Variants in IL1RAPL1 observed in about 807,000 individuals in gnomAD.
The protein encoded by IL1RAPL1 is interleukin 1 receptor accessory protein like 1, also known as interleukin-1 receptor accessory protein-like 1.
A neutral mutation model predicts 48.4 loss-of-function variants in IL1RAPL1; 3 were observed. The observed-to-expected ratio is 0.06, with a 90% confidence interval of 0.03 to 0.16. The LOEUF (loss-of-function observed/expected upper bound fraction) is 0.16. Ranked by LOEUF, IL1RAPL1 falls within the 10% of genes least tolerant of loss-of-function variation. The pLI, the probability that IL1RAPL1 is intolerant of heterozygous loss-of-function variation, is 1.00. For synonymous variants in IL1RAPL1, 185 were observed against 187.7 expected, an observed-to-expected ratio of 0.99 and a Z score of 0.12; for missense variants, 349 against 530.6, an observed-to-expected ratio of 0.66 and a Z score of 3.36.
At chrX:29,006,647 A>ATATGTGTGTGTGTGTG (rs1274128284) in intron 2 of IL1RAPL1, among the ~76,000 whole-genome samples, 1 of 76,935 alleles carries the variant, frequency 1.3e-5, no homozygotes, top group African/African-American at 4.9e-5. Context: ...GTTTATATAT[A>ATATGTGTGTGTGTGTG]TGTGTGTGTG....
chrX:29,189,076 G>C (rs1930306952), intron 2 of IL1RAPL1, among the ~76,000 whole-genome samples: 1 of 112,288 alleles, frequency 8.9e-6, no homozygotes, highest in Admixed American at 9.4e-5. Context: ...AATTGGTATA[G>C]TTTAGATAGT....
chrX:28,875,940 C>A (rs1922361074), intron 2 of IL1RAPL1, among the ~76,000 whole-genome samples: 2 of 111,261 alleles, frequency 1.8e-5, no homozygotes, highest in South Asian at 7.6e-4. Context: ...TATTTATTCC[C>A]TTAAGAACTG....
At chrX:29,079,832 G>A (rs1406353219) in intron 2 of IL1RAPL1, among the ~76,000 whole-genome samples, 1 of 111,430 alleles carries the variant, frequency 9.0e-6, no homozygotes, top group Non-Finnish European at 1.9e-5. Flanking sequence ...GAGTCCATTG[G>A]ATTTGAAAAT....
In IL1RAPL1 at chrX:29,109,706, T is replaced by C. The variant is rs1419745425; in HGVS notation, c.83-173232T>C. On this transcript the variant is annotated intron_variant, in intron 2 of 10. Transcript: ENST00000378993. ...GTACTCGGATTGATTTATTTTCAAATTTTCAAAAGAATATCTAAGTTCAAT... is the reference window on the plus strand; with the variant it reads ...GTACTCGGATTGATTTATTTTCAAACTTTCAAAAGAATATCTAAGTTCAAT... Among the ~76,000 whole-genome samples the C allele has an allele frequency of 3.6e-5, 4 of 111,240 alleles. No individual in the cohort carries two copies. In the East Asian group the frequency reaches 8.5e-4, roughly 24 times the overall value.
chrX:29,378,802 C>A (rs927920872), intron 3 of IL1RAPL1, among the ~76,000 whole-genome samples: 5 of 112,150 alleles, frequency 4.5e-5, no homozygotes, highest in African/African-American at 1.3e-4. Flanking sequence ...ACCTCCTCAC[C>A]AGGCCTGCTC....
chrX:29,131,395 G>C (rs929570222), intron 2 of IL1RAPL1, among the ~76,000 whole-genome samples: 3 of 109,677 alleles, frequency 2.7e-5, no homozygotes, highest in African/African-American at 3.3e-5. Context: ...CTTAACTTAG[G>C]GTACTTCATC....
intron 6 of IL1RAPL1, among the ~76,000 whole-genome samples, chrX:29,837,319 A>G (rs1210034130): frequency 1.0e-5 from 1 of 100,497 alleles, no homozygotes; most frequent in Non-Finnish European, 2.0e-5. Flanking sequence ...ACACACACAC[A>G]CATATATAGA....
In IL1RAPL1 at chrX:28,806,758, C is replaced by T. The variant is rs1394720248; in HGVS notation, c.82+17333C>T. Among the ~76,000 whole-genome samples the T allele has an allele frequency of 5.4e-5, 6 of 111,272 alleles. 1 individual carries two copies. The highest frequency in any genetic ancestry group is 2.9e-4 in the Admixed American group (3 of 10,428). ...GCATGTTTTCGCTTTCTTTGGGAGA[C>T]GTGCTTGGTTTGTTTTGTTCAATTT... is the stretch of plus-strand genomic sequence containing the variant. On this transcript the variant is annotated intron_variant, in intron 2 of 10. Coordinates refer to ENST00000378993, the MANE Select transcript of IL1RAPL1 (RefSeq NM_014271.4).
At position 29,505,006 on chromosome X, in the gene IL1RAPL1, G is replaced by T. The variant is rs182232284; in HGVS notation, c.703+105698G>T. ...TTTCTTTTCGGTGAATGTATTATTG[G>T]TTTTTGCTTTATAGTTACTATGAGG... is the stretch of plus-strand genomic sequence containing the variant. On this transcript the variant is annotated intron_variant, in intron 5 of 10. Transcript: ENST00000378993. Among the ~76,000 whole-genome samples the T allele has an allele frequency of 1.3e-3, 140 of 110,689 alleles. 1 individual carries two copies. The East Asian group carries it at 0.022, about 17-fold the overall frequency.
intron 8 of IL1RAPL1, 30 bp from the exon 9 acceptor site, chrX:29,941,621 T>A (rs1387197028): frequency 8.3e-7 from 1 of 1,198,138 alleles, no homozygotes; most frequent in Non-Finnish European, 1.1e-6. Context: ...GAATACCATA[T>A]AATTCCCCAT....
intron 6 of IL1RAPL1, among the ~76,000 whole-genome samples, chrX:29,767,875 A>G (rs951501045): frequency 1.8e-5 from 2 of 111,302 alleles, no homozygotes; most frequent in South Asian, 3.7e-4. Context: ...ATACCTTTGC[A>G]TGGTTCTTCA....
At position 29,618,894 on chromosome X, in the gene IL1RAPL1, AGTT is replaced by A. The variant is rs753124060; in HGVS notation, c.704-49532_704-49530del. Among the ~76,000 whole-genome samples, 492 of 111,541 alleles carry A rather than the reference AGTT, an allele frequency of 4.4e-3. 1 individual carries two copies. The highest frequency in any genetic ancestry group is 9.3e-3 in the Middle Eastern group (2 of 216). On this transcript the variant is annotated intron_variant, in intron 5 of 10. Transcript: ENST00000378993. The stretch of plus-strand genomic sequence containing the variant: ...TAATCTAACTCCTTTAGTCTATTTG[AGTT>A]GTTTTAATTTTTTCTCAAGTACATT...
At chrX:28,791,563 T>A (rs1479585045) in intron 2 of IL1RAPL1, among the ~76,000 whole-genome samples, 1 of 112,065 alleles carries the variant, frequency 8.9e-6, no homozygotes, top group Non-Finnish European at 1.9e-5. Flanking sequence ...ATGAATGCAG[T>A]TGTCACGTAA....
intron 2 of IL1RAPL1, among the ~76,000 whole-genome samples, chrX:28,972,537 G>T (rs1925105227): frequency 9.0e-6 from 1 of 110,911 alleles, no homozygotes; most frequent in Non-Finnish European, 1.9e-5. Flanking sequence ...AGGAGATCGA[G>T]ACCATCCTGG....
At chrX:29,745,993 T>C (rs1340567783) in intron 6 of IL1RAPL1, among the ~76,000 whole-genome samples, 1 of 111,859 alleles carries the variant, frequency 8.9e-6, no homozygotes. Context: ...AAGATAAACA[T>C]TATTTTTAGA....
intron 2 of IL1RAPL1, among the ~76,000 whole-genome samples, chrX:29,036,912 A>G (rs770939398): frequency 8.9e-6 from 1 of 111,744 alleles, no homozygotes; most frequent in Admixed American, 9.5e-5. Context: ...TGCAATATCT[A>G]TTGAGTTCTG....
In IL1RAPL1 at chrX:29,090,178, T is replaced by C. The variant is rs186978168; in HGVS notation, c.83-192760T>C. ...TTTCACTGTGCAATAATAACTCCTA[T>C]TTATCAGTAAAATAGATGTTTTAAA... is the stretch of plus-strand genomic sequence containing the variant. On this transcript the variant is annotated intron_variant, in intron 2 of 10. Transcript: ENST00000378993. Among the ~76,000 whole-genome samples, 4 of 111,163 alleles carry C rather than the reference T, an allele frequency of 3.6e-5. No individual in the cohort carries two copies. The East Asian group carries it at 8.5e-4, about 24-fold the overall frequency.
intron 1 of IL1RAPL1, among the ~76,000 whole-genome samples, chrX:28,733,253 A>G (rs1175601472): frequency 9.0e-6 from 1 of 111,259 alleles, no homozygotes; most frequent in East Asian, 2.8e-4. Context: ...AATACTTCTA[A>G]AATAGTAATG....
chrX:29,584,237 G>T (rs927098832), intron 5 of IL1RAPL1, among the ~76,000 whole-genome samples: 1 of 111,202 alleles, frequency 9.0e-6, no homozygotes, highest in Admixed American at 9.6e-5. Context: ...CCTGCTAAAG[G>T]TCATCACTAC....
Sources: allele counts gnomAD v4.1 joint callset (sites outside exome capture counted in the v4.1 genomes callset), GRCh38; gene constraint gnomAD v4.1.1; transcripts MANE v1.5; gene names NCBI Gene and HGNC (gene_info 2026-07-23, HGNC 2026-07-21).